TSC1: variants seen among roughly 807,000 people sequenced by gnomAD.
TSC1 encodes the protein hamartin.
In TSC1, 20 loss-of-function variants were observed where a neutral mutation model predicts 124.3. That is an observed-to-expected ratio of 0.16 (90% CI 0.11 to 0.23). The LOEUF is 0.23. Among genes scored for constraint, TSC1 ranks in the 10% least tolerant of loss-of-function variants. The pLI is 1.00. For missense variants in TSC1, 1,124 were observed against 1,448.5 expected (o/e 0.78, Z 3.64); for synonymous variants, 493 against 539.1 (o/e 0.91, Z 1.19).
intron 8 of TSC1, among the ~76,000 whole-genome samples, chr9:132,919,691 C>T (rs1846444850): frequency 6.6e-6 from 1 of 152,162 alleles, no homozygotes; most frequent in African/African-American, 2.4e-5. Context: ...AATGGGAGAT[C>T]CTGCACAGGA....
intron 1 of TSC1, chr9:132,939,376 A>G (rs1847622729): frequency 6.6e-6 from 1 of 152,232 alleles, no homozygotes; most frequent in Non-Finnish European, 1.5e-5. Flanking sequence ...TGTGTGATTG[A>G]ATAGGTCTTA....
At position 132,921,227 on chromosome 9, in the gene TSC1, A is replaced by G. The variant is rs1258052487; in HGVS notation, c.737+136T>C. On this transcript the variant is annotated intron_variant, in intron 8 of 22. Coordinates refer to ENST00000298552, the MANE Select transcript of TSC1 (RefSeq NM_000368.5). This position sits in a 1 kb window ranked among gnomAD's most constrained non-coding sequence, Gnocchi z 4.3. The stretch of plus-strand genomic sequence containing the variant: ...TTAAACTCACACAAATTTTAGCTGT[A>G]TGAGTGCTTCCAAGTGGACTGATTC... 3 of 887,342 alleles carry G rather than the reference A, an allele frequency of 3.4e-6. No homozygotes were observed. Among genetic ancestry groups the G allele is most frequent in the East Asian group, 5.3e-5 (2 of 37,716 alleles). 55.0% of individuals were successfully genotyped at this position (887,342 alleles called of 1,614,324 possible). A position where few individuals can be genotyped will look rare whatever the true frequency, so the allele number is the denominator to read the frequency against.
intron 3 of TSC1, among the ~76,000 whole-genome samples, chr9:132,928,006 C>A (rs1449756761): frequency 6.6e-6 from 1 of 152,180 alleles, no homozygotes; most frequent in Non-Finnish European, 1.5e-5. Flanking sequence ...ACTTGTATAA[C>A]CACACGCACA....
Position 132,896,823 on chromosome 9 carries a change from T to TACACTGACACTCACTC in TSC1, c.2976-85_2976-70dup, listed in dbSNP as rs1845096789. The stretch of plus-strand genomic sequence containing the variant: ...TGTCCACATTCGGAGGATGTGGAAT[T>TACACTGACACTCACTC]ACACTGACACTCACTCACACTGACA... On this transcript the variant is annotated intron_variant, in intron 22 of 22. Transcript: ENST00000298552. This position sits in a 1 kb window ranked among gnomAD's most constrained non-coding sequence, Gnocchi z 4.5. The TACACTGACACTCACTC allele has an allele frequency of 1.2e-6, 2 of 1,607,234 alleles. No homozygotes were observed. Among genetic ancestry groups the TACACTGACACTCACTC allele is most frequent in the South Asian group, 1.1e-5 (1 of 90,592 alleles).
rs1250691621 is a variant in TSC1, at chr9:132,891,946, A to T, written c.*4289T>A. On this transcript the variant is annotated 3_prime_UTR_variant, in exon 23 of 23. Coordinates refer to ENST00000298552, the MANE Select transcript of TSC1 (RefSeq NM_000368.5). ...CTGAAAGGTCCATTCCAATGGTTAAACCAGCCTACTTATCTCAGAGGATGG... is the reference window on the plus strand; with the variant it reads ...CTGAAAGGTCCATTCCAATGGTTAATCCAGCCTACTTATCTCAGAGGATGG... 1 of 233,114 alleles carries T rather than the reference A, an allele frequency of 4.3e-6. No individual in the cohort carries two copies. The highest frequency in any genetic ancestry group is 8.5e-6 in the Non-Finnish European group (1 of 117,930). 14.4% of individuals were successfully genotyped at this position (233,114 alleles called of 1,614,324 possible).
intron 8 of TSC1, among the ~76,000 whole-genome samples, chr9:132,913,774 C>T (rs1392249811): frequency 1.0e-4 from 14 of 135,452 alleles, no homozygotes; most frequent in African/African-American, 2.8e-4. Flanking sequence ...TGCAGTGAGC[C>T]GAGATTACGC....
rs1490742066 is a variant in TSC1, at chr9:132,893,303, A to G, written c.*2932T>C. Reference sequence around the variant, plus strand: ...CAAGGACATCTTTCACAACTTCTCCATCTAAGAAATGACCTTGACCTTCCT... The same window carrying G: ...CAAGGACATCTTTCACAACTTCTCCGTCTAAGAAATGACCTTGACCTTCCT... On this transcript the variant is annotated 3_prime_UTR_variant, in exon 23 of 23. Coordinates refer to ENST00000298552, the MANE Select transcript of TSC1 (RefSeq NM_000368.5). 4.3e-6 allele frequency: 1 copy of G among 233,126 alleles called. No individual in the cohort carries two copies. Among genetic ancestry groups the G allele is most frequent in the Non-Finnish European group, 8.5e-6 (1 of 118,062 alleles). The allele number at this position is 233,126 out of a possible 1,614,324, so 14.4% of individuals were successfully genotyped here. A position where few individuals can be genotyped will look rare whatever the true frequency, so the allele number is the denominator to read the frequency against.
intron 1 of TSC1, among the ~76,000 whole-genome samples, chr9:132,938,213 C>T (rs986983131): frequency 1.3e-5 from 2 of 152,136 alleles, no homozygotes; most frequent in African/African-American, 2.4e-5. Flanking sequence ...TATGGGGGTA[C>T]TACAAGGCAT....
At chr9:132,905,164 A>G (rs1845587478) in intron 15 of TSC1, among the ~76,000 whole-genome samples, 1 of 151,036 alleles carries the variant, frequency 6.6e-6, no homozygotes, top group Admixed American at 6.6e-5. Context: ...CACCTAATGA[A>G]CTATGATACC....
chr9:132,907,417 C>T lies in TSC1; in HGVS notation c.1264-47G>A, dbSNP rs142766223. The T allele has an allele frequency of 2.2e-4, 321 of 1,470,274 alleles. 1 individual carries two copies. In the East Asian group the frequency reaches 5.3e-3, roughly 24 times the overall value. 91.1% of individuals were successfully genotyped at this position (1,470,274 alleles called of 1,614,324 possible). A position where few individuals can be genotyped will look rare whatever the true frequency, so the allele number is the denominator to read the frequency against. Reference sequence around the variant, plus strand: ...ATATCACAAGACGAAAAATGTTGCACATGTTCTCGAGCATATTGTAAAGTA... The same window carrying T: ...ATATCACAAGACGAAAAATGTTGCATATGTTCTCGAGCATATTGTAAAGTA... On this transcript the variant is annotated intron_variant, in intron 12 of 22. Coordinates refer to ENST00000298552, the MANE Select transcript of TSC1 (RefSeq NM_000368.5).
chr9:132,895,998 C>A lies in TSC1; in HGVS notation c.*237G>T. 1 of 588,450 alleles carries A rather than the reference C, an allele frequency of 1.7e-6. No individual in the cohort carries two copies. Among genetic ancestry groups the A allele is most frequent in the Non-Finnish European group, 3.0e-6 (1 of 329,438 alleles). 36.5% of individuals were successfully genotyped at this position (588,450 alleles called of 1,614,324 possible). On this transcript the variant is annotated 3_prime_UTR_variant, in exon 23 of 23. Transcript: ENST00000298552. ...ACACCAACTGGCCCTTGGATTAGAACACACTGCGAGGTAAATGAGAGGGGG... is the reference window on the plus strand; with the variant it reads ...ACACCAACTGGCCCTTGGATTAGAAAACACTGCGAGGTAAATGAGAGGGGG...
rs2131815302 is a variant in TSC1, at chr9:132,905,685, T to A, written c.1893A>T (p.Ala631=). 6.2e-7 allele frequency: 1 copy of A among 1,614,230 alleles called. No homozygotes were observed. Among genetic ancestry groups the A allele is most frequent in the Non-Finnish European group, 8.5e-7 (1 of 1,180,046 alleles). The change falls in exon 15 of 23, where the codon GCA becomes GCT. Residue 631 remains alanine (A), a synonymous_variant. Coordinates refer to ENST00000298552, the MANE Select transcript of TSC1 (RefSeq NM_000368.5). ...IRKTEELLKK[A]KGNTEEDGVP... is the part of the protein sequence containing the mutation. ...CACCATCTTCCTCTGTGTTTCCTTT[T>A]GCTTTCTTTAACAGCTCCTCAGTCT...
At chr9:132,914,752 C>T (rs373577131) in intron 8 of TSC1, among the ~76,000 whole-genome samples, 234 of 151,860 alleles carry the variant, frequency 1.5e-3, no homozygotes, top group Admixed American at 3.5e-3. Context: ...ACCTGTAATC[C>T]CAGCTACTTG....
At chr9:132,944,764 A>G (rs955581109), upstream of TSC1, 3 of 396,492 alleles carry the variant, frequency 7.6e-6, no homozygotes, top group Admixed American at 4.4e-5. Context: ...TCTTCCACTC[A>G]TAACTGACGA....
At chr9:132,907,451 G>T in intron 12 of TSC1, 81 bp from the exon 13 acceptor site, 3 of 1,095,756 alleles carry the variant, frequency 2.7e-6, no homozygotes, top group Non-Finnish European at 4.2e-6. Flanking sequence ...TAGTTTAAAG[G>T]TCAGCCGAGT....
intron 12 of TSC1, chr9:132,910,124 C>T (rs923465344): frequency 7.4e-5 from 18 of 244,486 alleles, no homozygotes; most frequent in African/African-American, 3.9e-4. Context: ...CATAGTGAGA[C>T]CTCATCTCCA....
At chr9:132,933,410 C>A (rs1847303730) in intron 2 of TSC1, among the ~76,000 whole-genome samples, 1 of 151,892 alleles carries the variant, frequency 6.6e-6, no homozygotes, top group South Asian at 2.1e-4. Context: ...CAAGAGTACC[C>A]CATGAAAAAA....
intron 5 of TSC1, among the ~76,000 whole-genome samples, chr9:132,924,319 A>G (rs1196481228): frequency 6.6e-6 from 1 of 152,222 alleles, no homozygotes; most frequent in East Asian, 1.9e-4. Context: ...TAGAATAGGA[A>G]TCTATGAGTC....
At chr9:132,920,058 G>A (rs566140220) in intron 8 of TSC1, among the ~76,000 whole-genome samples, 104 of 152,330 alleles carry the variant, frequency 6.8e-4, no homozygotes, top group African/African-American at 2.5e-3. Context: ...CATGTCCAGT[G>A]CCTTGCCCTT....
Sources: allele counts gnomAD v4.1 joint callset (sites outside exome capture counted in the v4.1 genomes callset), GRCh38; gene constraint gnomAD v4.1.1; non-coding constraint Gnocchi (gnomAD v3.1); transcripts MANE v1.5; gene names NCBI Gene and HGNC (gene_info 2026-07-23, HGNC 2026-07-21).